The following MROH7 variants were observed in gnomAD, a reference collection of about 807,000 sequenced individuals.
MROH7 encodes the protein maestro heat like repeat family member 7.
MROH7 carries 113 observed loss-of-function variants against 129.2 expected under a neutral mutation model. The ratio of observed to expected loss-of-function variants is 0.87; its 90% confidence interval spans 0.75 to 1.02. The LOEUF is 1.02. Ranked by LOEUF, MROH7 falls within the 50% of genes least tolerant of loss-of-function variation. The pLI is 0.00. For synonymous variants in MROH7, 655 were observed against 667.9 expected (o/e 0.98, Z 0.30); for missense variants, 1,601 against 1,671.3 (o/e 0.96, Z 0.73).
intron 3 of MROH7, among the ~76,000 whole-genome samples, chr1:54,662,185 A>C (rs762996170): frequency 5.9e-5 from 9 of 152,088 alleles, no homozygotes; most frequent in Non-Finnish European, 8.8e-5. Context: ...GCACCACTGC[A>C]CTCCAGCCTG....
rs760445567 is a variant in MROH7, at chr1:54,678,826, C to T, written c.2021C>T (p.Pro674Leu). The change falls in exon 11 of 24, where the codon CCG becomes CTG. Residue 674 changes from proline (P) to leucine (L), a missense_variant. By Grantham distance (98) the Pro-to-Leu change is moderately conservative. Transcript: ENST00000421030. ...HFLGPYNPVS[P>L]CQNILRVIEE... ...CTGGGGCCCTACAACCCTGTGAGCC[C>T]GTGCCAGAACATTCTGCGGGTGATC... is the stretch of plus-strand genomic sequence containing the variant. 66 of 1,613,574 alleles carry T rather than the reference C, an allele frequency of 4.1e-5. No homozygotes were observed. The highest frequency in any genetic ancestry group is 2.9e-4 in the East Asian group (13 of 44,844).
At chr1:54,665,047 G>C (rs1047515729) in intron 3 of MROH7, 120 bp from the exon 4 acceptor site, 2 of 678,518 alleles carry the variant, frequency 2.9e-6, no homozygotes, top group Non-Finnish European at 5.2e-6. Context: ...AAAGCTCAGT[G>C]TGGCTGCTGG....
chr1:54,648,329 C>T (rs1644501149), intron 1 of MROH7, among the ~76,000 whole-genome samples: 1 of 139,824 alleles, frequency 7.2e-6, no homozygotes, highest in Non-Finnish European at 1.5e-5. Context: ...CACACTGTTG[C>T]ATGCAATTTT....
At chr1:54,687,217 G>A (rs1051838806) in intron 15 of MROH7, among the ~76,000 whole-genome samples, 1 of 152,142 alleles carries the variant, frequency 6.6e-6, no homozygotes, top group Non-Finnish European at 1.5e-5. Flanking sequence ...GGGATTACCA[G>A]CATCTGCCAC....
chr1:54,674,541 T>C lies in MROH7; in HGVS notation c.1936+390T>C, dbSNP rs1293561422. Reference sequence around the variant, plus strand: ...GGCAGGGCTGTATCTTGGTCACCCCTGTATTCCCAAGGGCCATCTCTGGGC... The same window carrying C: ...GGCAGGGCTGTATCTTGGTCACCCCCGTATTCCCAAGGGCCATCTCTGGGC... On this transcript the variant is annotated intron_variant, in intron 10 of 23. Transcript: ENST00000421030. Among the ~76,000 whole-genome samples, 7 of 152,278 alleles carry C rather than the reference T, an allele frequency of 4.6e-5. No individual in the cohort carries two copies. The East Asian group carries it at 1.2e-3, about 25-fold the overall frequency.
chr1:54,656,757 G>A (rs113302947), intron 3 of MROH7, among the ~76,000 whole-genome samples: 8,235 of 152,138 alleles, frequency 0.054, 256 homozygotes, highest in Middle Eastern at 0.12. Flanking sequence ...GTTGCAGTAA[G>A]CCAAGATCGT....
intron 15 of MROH7, among the ~76,000 whole-genome samples, chr1:54,689,528 G>A (rs1425655938): frequency 1.3e-5 from 2 of 152,178 alleles, no homozygotes; most frequent in Non-Finnish European, 2.9e-5. Flanking sequence ...ATAGCTCCAC[G>A]GGGCATCAGC....
At chr1:54,670,754 G>T in intron 6 of MROH7, 46 bp from the exon 7 acceptor site, 1 of 1,576,434 alleles carries the variant, frequency 6.3e-7, no homozygotes, top group Non-Finnish European at 8.6e-7. Context: ...TATAGCCATA[G>T]GGCCCCTCTC....
chr1:54,704,500 C>T (rs1051250578), intron 21 of MROH7, among the ~76,000 whole-genome samples: 4 of 142,050 alleles, frequency 2.8e-5, no homozygotes, highest in Admixed American at 7.4e-5. Context: ...GTGAGTGGTG[C>T]GATCTCGGCT....
chr1:54,674,163 CG>C lies in MROH7; in HGVS notation c.1936+14del. 1 of 1,609,328 alleles carries C rather than the reference CG, an allele frequency of 6.2e-7. No individual in the cohort carries two copies. The highest frequency in any genetic ancestry group is 1.7e-5 in the Admixed American group (1 of 59,088). On this transcript the variant is annotated intron_variant, in intron 10 of 23. Coordinates refer to ENST00000421030, the MANE Select transcript of MROH7 (RefSeq NM_001039464.4). ...GGAGCTCCAAAAACGTAAGCCCTAT[CG>C]GAGTACTTCTGAAGGAAGTCTTCTG... is the stretch of plus-strand genomic sequence containing the variant.
At position 54,699,150 on chromosome 1, in the gene MROH7, C is replaced by CTTTTCT. The variant is rs1274636788; in HGVS notation, c.2965-1168_2965-1167insTCTTTT. ...TCTTTCTTTCTTTCTTTCTTTCTTT[C>CTTTTCT]TTTCTTTCTTTTCTTTCTTTCTTTC... On this transcript the variant is annotated intron_variant, in intron 17 of 23. Transcript: ENST00000421030. The CTTTTCT allele has an allele frequency of 2.3e-4, 18 of 78,788 alleles. 1 individual carries two copies. The highest frequency in any genetic ancestry group is 4.9e-4 in the South Asian group (1 of 2,022). 4.9% of individuals were successfully genotyped at this position (78,788 alleles called of 1,614,324 possible).
At chr1:54,662,610 G>A (rs1044993342) in intron 3 of MROH7, among the ~76,000 whole-genome samples, 5 of 151,740 alleles carry the variant, frequency 3.3e-5, no homozygotes, top group African/African-American at 1.2e-4. Context: ...GTTTCCAAAT[G>A]ATGCCCCATC....
At chr1:54,669,017 AG>A in intron 5 of MROH7, 80 bp downstream of exon 5, 1 of 1,025,022 alleles carries the variant, frequency 9.8e-7, no homozygotes, top group East Asian at 2.4e-5. Flanking sequence ...ATGAGACCGC[AG>A]GGGTGGGAGG....
chr1:54,709,107 A>G, intron 23 of MROH7, 31 bp downstream of exon 23: 1 of 1,606,938 alleles, frequency 6.2e-7, no homozygotes, highest in African/African-American at 1.3e-5. Flanking sequence ...GTGAAATTTC[A>G]GGGGACAGTG....
At position 54,691,803 on chromosome 1, in the gene MROH7, A is replaced by AGTGTGTGTGTGTGTGT. The variant is rs373106798; in HGVS notation, c.2712-602_2712-587dup. On this transcript the variant is annotated intron_variant, in intron 15 of 23. Transcript: ENST00000421030. Reference sequence around the variant, plus strand: ...CCTGGCGACAAAAAAAAAAAAAAAAAGTGTGTGTGTGTGTGTGTGTGTGTG... The same window carrying AGTGTGTGTGTGTGTGT: ...CCTGGCGACAAAAAAAAAAAAAAAAAGTGTGTGTGTGTGTGTGTGTGTGTGTGTGTGTGTGTGTGTG... 1.5e-3 allele frequency among the ~76,000 whole-genome samples: 156 copies of AGTGTGTGTGTGTGTGT among 104,178 alleles called. 3 individuals are homozygous for AGTGTGTGTGTGTGTGT. The East Asian group carries it at 0.021, about 14-fold the overall frequency. 68.3% of individuals were successfully genotyped at this position (104,178 alleles called of 152,430 possible).
At position 54,653,872 on chromosome 1, in the gene MROH7, G is replaced by A. The variant is rs1396547891; in HGVS notation, c.946G>A (p.Glu316Lys). Residue 316 changes from glutamate (E) to lysine (K), a missense_variant, in exon 3 of 24, where the codon GAG (glutamate) becomes AAG (lysine). Coordinates refer to ENST00000421030, the MANE Select transcript of MROH7 (RefSeq NM_001039464.4). ...YGISLHSSTHEPNSTISPPSC... is the reference protein window; with the variant it reads ...YGISLHSSTHKPNSTISPPSC... The stretch of plus-strand genomic sequence containing the variant: ...TATCAGCCTGCACTCCAGCACCCAT[G>A]AGCCCAACTCCACCATCTCTCCACC... The A allele has an allele frequency of 1.9e-6, 3 of 1,613,884 alleles. No individual in the cohort carries two copies. The African/African-American group carries it at 4.0e-5, about 22-fold the overall frequency.
At chr1:54,697,766 G>A (rs777618195) in intron 17 of MROH7, 6 of 674,280 alleles carry the variant, frequency 8.9e-6, no homozygotes, top group South Asian at 1.6e-5. Flanking sequence ...TGCCTGACAC[G>A]GTCCTCTACT....
chr1:54,705,046 C>T (rs897399792), intron 21 of MROH7, among the ~76,000 whole-genome samples: 2 of 152,096 alleles, frequency 1.3e-5, no homozygotes, highest in Non-Finnish European at 2.9e-5. Flanking sequence ...TGATCTGCCG[C>T]CTCAGCCTCC....
Position 54,678,848 on chromosome 1 carries a change from G to T in MROH7, c.2043G>T (p.Val681=). 6.2e-7 allele frequency: 1 copy of T among 1,613,576 alleles called. No individual in the cohort carries two copies. Among genetic ancestry groups the T allele is most frequent in the Non-Finnish European group, 8.5e-7 (1 of 1,179,568 alleles). Residue 681 remains valine, a synonymous_variant, in exon 11 of 24, where the codon GTG becomes GTT. Transcript: ENST00000421030. The stretch of plus-strand genomic sequence containing the variant: ...GCCCGTGCCAGAACATTCTGCGGGT[G>T]ATCGAGGTGACTGCCTGGTGCCCAT... ...PVSPCQNILR[V]IEEFGDFLGP... is the part of the protein sequence containing the mutation.
Sources: gnomAD v4.1 joint callset for allele counts (sites outside exome capture counted in the v4.1 genomes callset) on GRCh38, gnomAD v4.1.1 for gene constraint, MANE v1.5 for transcripts, NCBI Gene and HGNC (gene_info 2026-07-23, HGNC 2026-07-21) for gene names.